USP2: variants seen among roughly 807,000 people sequenced by gnomAD.
The protein encoded by USP2 is ubiquitin specific peptidase 2, also known as ubiquitin carboxyl-terminal hydrolase 2.
USP2 carries 33 observed loss-of-function variants against 72.0 expected under a neutral mutation model. The observed-to-expected ratio is 0.46, with a 90% CI of 0.35 to 0.61. The LOEUF is 0.61. Among genes scored for constraint, USP2 ranks in the 20% least tolerant of loss-of-function variants. The probability of loss-of-function intolerance (pLI) is 0.01; values close to 1 mark genes in which losing one functional copy is unlikely to be tolerated. For synonymous variants in USP2, 296 were observed against 312.5 expected (o/e 0.95, Z 0.56); for missense variants, 691 against 797.8 (o/e 0.87, Z 1.61).
At chr11:119,364,871 C>G (rs1950830388) in intron 2 of USP2, among the ~76,000 whole-genome samples, 1 of 152,194 alleles carries the variant, frequency 6.6e-6, no homozygotes, top group African/African-American at 2.4e-5. Flanking sequence ...AGAACCTTTT[C>G]TGGTCTCTTC....
intron 2 of USP2, among the ~76,000 whole-genome samples, chr11:119,370,590 G>A (rs1364802795): frequency 8.4e-6 from 1 of 119,690 alleles, no homozygotes; most frequent in Non-Finnish European, 1.7e-5. Flanking sequence ...GACGCACTCT[G>A]CTCCAGGAAA....
At chr11:119,378,919 C>T in intron 1 of USP2, 2 of 953,162 alleles carry the variant, frequency 2.1e-6, no homozygotes, top group Non-Finnish European at 2.5e-6. Flanking sequence ...AATGGGGTGG[C>T]CTCTCACATG....
At chr11:119,358,338 A>G in intron 7 of USP2, 86 bp from the exon 8 acceptor site, 1 of 1,288,860 alleles carries the variant, frequency 7.8e-7, no homozygotes, top group Admixed American at 2.0e-5. Context: ...TTTTTTTGAG[A>G]TGGAGTTTTG....
intron 12 of USP2, 91 bp downstream of exon 12, chr11:119,357,085 CGTGCGGGGGGT>C: frequency 1.1e-6 from 1 of 941,628 alleles, no homozygotes; most frequent in South Asian, 2.7e-5. Context: ...CGGTGTAAGC[CGTGCGGGGGGT>C]GGGAGGGGGG....
rs761356157 is a variant in USP2, at chr11:119,357,808, G to A, written c.1450C>T (p.Arg484Trp). 2 of 1,613,940 alleles carry A rather than the reference G, an allele frequency of 1.2e-6. No homozygotes were observed. The highest frequency in any genetic ancestry group is 1.7e-6 in the Non-Finnish European group (2 of 1,180,012). Residue 484 changes from arginine to tryptophan, a missense_variant, in exon 10 of 13, where the codon CGG (arginine) becomes TGG (tryptophan). Physicochemically the swap from Arg to Trp is moderately radical, Grantham distance 101. Transcript: ENST00000260187. ...TGGATGGAGAACTTCTTTATACACC[G>A]TTTTCTGCCTCGGCAGCGACAGCAT... Reference protein sequence around the residue: ...PTCCRCRGRKRCIKKFSIQRF... With the variant: ...PTCCRCRGRKWCIKKFSIQRF...
chr11:119,362,280 C>T (rs1175928454), intron 2 of USP2, among the ~76,000 whole-genome samples: 1 of 152,110 alleles, frequency 6.6e-6, no homozygotes, highest in East Asian at 1.9e-4. Context: ...TTAATTCTGA[C>T]CCAGCAGTGA....
In USP2 at chr11:119,364,262, G is replaced by T. The variant is rs1413808710; in HGVS notation, c.775-4028C>A. On this transcript the variant is annotated intron_variant, in intron 2 of 12. Coordinates refer to ENST00000260187, the MANE Select transcript of USP2 (RefSeq NM_004205.5). ...CGACGTCAGCGCTGGGGCGGGGCCA[G>T]GCCCTAAGCCCCGCCCCACCTCGCC... 2.6e-5 allele frequency: 24 copies of T among 917,590 alleles called. No individual in the cohort carries two copies. The African/African-American group carries it at 4.3e-4, about 16-fold the overall frequency. The allele number at this position is 917,590 out of a possible 1,614,324, so 56.8% of individuals were successfully genotyped here. A position where few individuals can be genotyped will look rare whatever the true frequency, so the allele number is the denominator to read the frequency against.
intron 2 of USP2, chr11:119,364,200 C>T: frequency 8.6e-7 from 1 of 1,156,084 alleles, no homozygotes; most frequent in Admixed American, 4.7e-5. Flanking sequence ...TCTCGCGCTC[C>T]GGCCGACTGG....
intron 2 of USP2, among the ~76,000 whole-genome samples, chr11:119,370,997 T>C (rs560973962): frequency 3.9e-5 from 6 of 152,228 alleles, no homozygotes; most frequent in African/African-American, 9.6e-5. Flanking sequence ...GCTGTCATGA[T>C]TGGGGCTGAG....
chr11:119,361,137 C>T (rs374865405), intron 2 of USP2, among the ~76,000 whole-genome samples: 5 of 152,206 alleles, frequency 3.3e-5, no homozygotes, highest in Non-Finnish European at 4.4e-5. Context: ...ATTAAAGACT[C>T]GGAGAATCCT....
intron 1 of USP2, among the ~76,000 whole-genome samples, chr11:119,374,757 G>A (rs1359166788): frequency 6.6e-6 from 1 of 152,128 alleles, no homozygotes; most frequent in Non-Finnish European, 1.5e-5. Context: ...CTCTTGGGGG[G>A]CTTTCTAGGG....
intron 7 of USP2, 55 bp downstream of exon 7, chr11:119,358,718 C>T: frequency 1.3e-6 from 2 of 1,596,746 alleles, no homozygotes; most frequent in East Asian, 2.2e-5. Flanking sequence ...TCATGCTCCA[C>T]TCAGGCAAGA....
intron 2 of USP2, among the ~76,000 whole-genome samples, chr11:119,361,233 C>G (rs1950760390): frequency 6.6e-6 from 1 of 152,222 alleles, no homozygotes. Flanking sequence ...GAGGCAAGGG[C>G]CTGGCTGAAA....
intron 2 of USP2, chr11:119,364,215 C>CCCGCCGGCGCCT: frequency 8.9e-7 from 1 of 1,124,370 alleles, no homozygotes; most frequent in East Asian, 4.7e-5. Context: ...GACTGGCGGC[C>CCCGCCGGCGCCT]CCGCCGGCGC....
chr11:119,372,532 C>T (rs1042594796), intron 2 of USP2, among the ~76,000 whole-genome samples, 175 bp downstream of exon 2: 1 of 152,214 alleles, frequency 6.6e-6, no homozygotes, highest in African/African-American at 2.4e-5. Context: ...AAGGCCCCTC[C>T]CCTCGGCACG....
intron 2 of USP2, among the ~76,000 whole-genome samples, chr11:119,369,706 T>C (rs1028551588): frequency 3.3e-5 from 5 of 152,300 alleles, no homozygotes; most frequent in Non-Finnish European, 7.4e-5. Context: ...GCGGGCGTGA[T>C]TGTTCCCTTT....
At chr11:119,363,670 C>T (rs111251997) in intron 2 of USP2, among the ~76,000 whole-genome samples, 210 of 150,306 alleles carry the variant, frequency 1.4e-3, no homozygotes, top group African/African-American at 4.9e-3. Flanking sequence ...GAGGGGACCA[C>T]GAGTAAGCGT....
Position 119,356,746 on chromosome 11 carries a change from G to C in USP2, c.*89C>G, listed in dbSNP as rs1018737085. On this transcript the variant is annotated 3_prime_UTR_variant, in exon 13 of 13. Coordinates refer to ENST00000260187, the MANE Select transcript of USP2 (RefSeq NM_004205.5). ...TGTTTTTCTCTTGTCAGGTTTGTGT[G>C]TTGTTGTTGTTGTTTTGTTTTTGTC... 1 of 1,241,054 alleles carries C rather than the reference G, an allele frequency of 8.1e-7. No individual in the cohort carries two copies. Among genetic ancestry groups the C allele is most frequent in the Admixed American group, 2.6e-5 (1 of 37,938 alleles). 76.9% of individuals were successfully genotyped at this position (1,241,054 alleles called of 1,614,324 possible).
In USP2 at chr11:119,356,293, T is replaced by G. The variant is rs1016034543; in HGVS notation, c.*542A>C. On this transcript the variant is annotated 3_prime_UTR_variant, in exon 13 of 13. Coordinates refer to ENST00000260187, the MANE Select transcript of USP2 (RefSeq NM_004205.5). Reference sequence around the variant, plus strand: ...AATTAAAAAAAAAAAGTTGGGCTTTTTAAAAACCAAAACCAGCGTTTTCCA... The same window carrying G: ...AATTAAAAAAAAAAAGTTGGGCTTTGTAAAAACCAAAACCAGCGTTTTCCA... 9 of 152,970 alleles carry G rather than the reference T, an allele frequency of 5.9e-5. No individual in the cohort carries two copies. The highest frequency in any genetic ancestry group is 1.9e-4 in the African/African-American group (8 of 41,458). 9.5% of individuals were successfully genotyped at this position (152,970 alleles called of 1,614,324 possible).
Sources: allele counts gnomAD v4.1 joint callset (sites outside exome capture counted in the v4.1 genomes callset), GRCh38; gene constraint gnomAD v4.1.1; transcripts MANE v1.5; gene names NCBI Gene and HGNC (gene_info 2026-07-23, HGNC 2026-07-21).